The following KCNMB2 variants were observed in gnomAD, a reference collection of about 807,000 sequenced individuals.
The protein encoded by KCNMB2 is potassium calcium-activated channel subfamily M regulatory beta subunit 2.
A neutral mutation model predicts 24.5 loss-of-function variants in KCNMB2; 9 were observed. That is an observed-to-expected ratio of 0.37 (90% CI 0.22 to 0.64). The LOEUF (loss-of-function observed/expected upper bound fraction) is 0.64, where lower values mean the gene tolerates loss of function less well. KCNMB2 is among the 30% of genes least tolerant of loss of function. The probability of loss-of-function intolerance (pLI) is 0.63; values close to 1 mark genes in which losing one functional copy is unlikely to be tolerated. For synonymous variants in KCNMB2, 109 were observed against 104.4 expected (o/e 1.04, Z -0.27); for missense variants, 226 against 284.3 (o/e 0.79, Z 1.47).
At chr3:178,624,865 C>T (rs1719054854) in intron 1 of KCNMB2, among the ~76,000 whole-genome samples, 1 of 151,864 alleles carries the variant, frequency 6.6e-6, no homozygotes, top group East Asian at 1.9e-4. Flanking sequence ...GGGGAGGGCC[C>T]CATGGTCTTT....
intron 1 of KCNMB2, among the ~76,000 whole-genome samples, chr3:178,592,020 C>T (rs1336266892): frequency 1.3e-5 from 2 of 151,870 alleles, no homozygotes; most frequent in Non-Finnish European, 2.9e-5. Context: ...CGGTTTTAGC[C>T]CAATGTGAAT....
intron 4 of KCNMB2, among the ~76,000 whole-genome samples, chr3:178,838,093 G>A (rs1028574006): frequency 2.0e-5 from 3 of 152,092 alleles, no homozygotes; most frequent in African/African-American, 7.2e-5. Flanking sequence ...GAAATGGTTT[G>A]TCTGTTATTT....
intron 1 of KCNMB2, among the ~76,000 whole-genome samples, chr3:178,601,111 G>A (rs559447133): frequency 6.1e-5 from 9 of 148,714 alleles, no homozygotes; most frequent in Non-Finnish European, 7.4e-5. Flanking sequence ...ACCAGACACC[G>A]CATGTTCTCA....
intron 1 of KCNMB2, among the ~76,000 whole-genome samples, chr3:178,698,913 G>A (rs925862572): frequency 5.9e-5 from 9 of 152,226 alleles, no homozygotes; most frequent in African/African-American, 2.2e-4. Flanking sequence ...TAGACTGCAT[G>A]CTCCAACTCT....
intron 3 of KCNMB2, among the ~76,000 whole-genome samples, chr3:178,827,314 T>C (rs1297744400): frequency 6.6e-6 from 1 of 152,160 alleles, no homozygotes; most frequent in Non-Finnish European, 1.5e-5. Context: ...CCCTTATTCA[T>C]CCATTAGTCT....
chr3:178,573,853 A>C (rs1716897462), intron 1 of KCNMB2, among the ~76,000 whole-genome samples: 1 of 151,964 alleles, frequency 6.6e-6, no homozygotes, highest in Non-Finnish European at 1.5e-5. Flanking sequence ...TTTAGTGTTT[A>C]ATAGAAAAAT....
chr3:178,707,384 G>GA (rs1191137770), intron 1 of KCNMB2, among the ~76,000 whole-genome samples: 1 of 152,090 alleles, frequency 6.6e-6, no homozygotes, highest in Non-Finnish European at 1.5e-5. Flanking sequence ...CTACTACTTG[G>GA]AAAAATCAGA....
intron 1 of KCNMB2, among the ~76,000 whole-genome samples, chr3:178,747,894 T>C (rs1282034417): frequency 1.3e-5 from 2 of 152,226 alleles, no homozygotes; most frequent in South Asian, 2.1e-4. Flanking sequence ...AGTTTTCTGT[T>C]GCTGTAGGCA....
intron 1 of KCNMB2, among the ~76,000 whole-genome samples, chr3:178,598,039 CA>C (rs963528234): frequency 2.1e-5 from 3 of 142,202 alleles, no homozygotes; most frequent in African/African-American, 8.2e-5. Context: ...AAATGCAGGA[CA>C]AAAAAACAAA....
intron 1 of KCNMB2, among the ~76,000 whole-genome samples, chr3:178,561,346 T>C (rs1716309525): frequency 6.6e-6 from 1 of 152,198 alleles, no homozygotes; most frequent in African/African-American, 2.4e-5. Context: ...TTGCTATCAA[T>C]AAAAACAAAA....
intron 1 of KCNMB2, among the ~76,000 whole-genome samples, chr3:178,756,519 T>C (rs552446308): frequency 6.6e-6 from 1 of 152,276 alleles, no homozygotes; most frequent in Non-Finnish European, 1.5e-5. Flanking sequence ...ATTATTTCTT[T>C]ATAATAACAC....
At chr3:178,818,957 C>G (rs926919289) in intron 2 of KCNMB2, among the ~76,000 whole-genome samples, 2 of 152,024 alleles carry the variant, frequency 1.3e-5, no homozygotes, top group African/African-American at 4.8e-5. Context: ...TTTGCTCGTC[C>G]AAGACTTAGT....
At chr3:178,798,469 C>A (rs369865729) in intron 1 of KCNMB2, among the ~76,000 whole-genome samples, 5 of 152,078 alleles carry the variant, frequency 3.3e-5, no homozygotes, top group African/African-American at 1.2e-4. Flanking sequence ...GACATGGAAT[C>A]AACCCAAATG....
At chr3:178,652,287 G>GGA (rs1720151607) in intron 1 of KCNMB2, among the ~76,000 whole-genome samples, 1 of 152,076 alleles carries the variant, frequency 6.6e-6, no homozygotes, top group African/African-American at 2.4e-5. Flanking sequence ...ATGGACACAG[G>GGA]GAGGGGATCA....
chr3:178,794,334 C>G (rs190367115), intron 1 of KCNMB2, among the ~76,000 whole-genome samples: 43 of 152,272 alleles, frequency 2.8e-4, no homozygotes, highest in African/African-American at 1.0e-3. Context: ...CCTCTATCTG[C>G]CCCCAGCTTT....
intron 1 of KCNMB2, among the ~76,000 whole-genome samples, chr3:178,553,678 T>C (rs1716031578): frequency 6.6e-6 from 1 of 152,070 alleles, no homozygotes; most frequent in African/African-American, 2.4e-5. Context: ...GCAGAGATTA[T>C]GGGCGCGCAT....
intron 1 of KCNMB2, among the ~76,000 whole-genome samples, chr3:178,617,682 G>A (rs1718758090): frequency 6.6e-6 from 1 of 151,918 alleles, no homozygotes. Context: ...AAGGTCAGGA[G>A]ATCAAGATCA....
intron 1 of KCNMB2, among the ~76,000 whole-genome samples, chr3:178,798,046 G>A (rs978148361): frequency 1.2e-4 from 18 of 152,152 alleles, no homozygotes; most frequent in African/African-American, 4.3e-4. Flanking sequence ...CTGAGACGAT[G>A]GGGTTTTCTA....
chr3:178,748,483 A>C (rs958417869), intron 1 of KCNMB2: 1 of 152,198 alleles, frequency 6.6e-6, no homozygotes, highest in African/African-American at 2.4e-5. Context: ...CTCCCAGAAT[A>C]ATCTGTAAAA....
Sources: allele counts gnomAD v4.1 joint callset (sites outside exome capture counted in the v4.1 genomes callset), GRCh38; gene constraint gnomAD v4.1.1; transcripts MANE v1.5; gene names NCBI Gene and HGNC (gene_info 2026-07-23, HGNC 2026-07-21).